The following TMEM276 variants were observed in gnomAD, a reference collection of about 807,000 sequenced individuals.
The protein encoded by TMEM276 is transmembrane protein 276.
the TMEM276 span, chr8:144,466,654 C>T: frequency 6.6e-6 from 7 of 1,055,836 alleles, no homozygotes; most frequent in Non-Finnish European, 8.9e-6. Flanking sequence ...GGCCCCGATG[C>T]TGGAAGCGTA....
At chr8:144,464,961 G>A in the TMEM276 span, 65 of 1,587,636 alleles carry the variant, frequency 4.1e-5, no homozygotes, top group Non-Finnish European at 4.5e-5. Context: ...CTTTGGAGAG[G>A]AAGGAAGCGC....
chr8:144,466,332 G>C, the TMEM276 span: 1 of 372,678 alleles, frequency 2.7e-6, no homozygotes, highest in Non-Finnish European at 4.1e-6. Context: ...GCGAGCATGC[G>C]CACCGGCACT....
the TMEM276 span, chr8:144,464,483 G>A: frequency 3.7e-6 from 6 of 1,612,264 alleles, no homozygotes; most frequent in Middle Eastern, 1.6e-4. Context: ...AAGGCCAGAA[G>A]GGGAAGGCCG....
chr8:144,464,093 C>G, the TMEM276 span: 1 of 1,580,868 alleles, frequency 6.3e-7, no homozygotes, highest in Admixed American at 1.7e-5. Flanking sequence ...AAGTGTTCGG[C>G]AGGGCAGAAA....
chr8:144,467,005 C>T, the TMEM276 span: 6 of 1,595,076 alleles, frequency 3.8e-6, no homozygotes, highest in South Asian at 4.5e-5. Context: ...CCGAGGGCCG[C>T]GCGGCCGCGG....
the TMEM276 span, chr8:144,464,166 GTAA>G: frequency 6.2e-7 from 1 of 1,612,936 alleles, no homozygotes; most frequent in Non-Finnish European, 8.5e-7. Context: ...GGGCCCGGCA[GTAA>G]GCCCAGCTGC....
chr8:144,464,055 G>A, the TMEM276 span: 4 of 1,551,012 alleles, frequency 2.6e-6, no homozygotes, highest in Admixed American at 1.9e-5. Context: ...CTAGGGAGAA[G>A]GCGCCAGGAG....
the TMEM276 span, chr8:144,464,706 T>C: frequency 4.4e-6 from 7 of 1,579,610 alleles, no homozygotes; most frequent in Non-Finnish European, 5.2e-6. Context: ...GGAGACCTGG[T>C]CTTAGACGCA....
At chr8:144,464,612 C>T in the TMEM276 span, 1 of 1,604,700 alleles carries the variant, frequency 6.2e-7, no homozygotes, top group Non-Finnish European at 8.5e-7. Flanking sequence ...CCTCGACTTG[C>T]CTGTCAACAC....
the TMEM276 span, chr8:144,464,280 C>G: frequency 4.0e-5 from 64 of 1,613,192 alleles, no homozygotes; most frequent in African/African-American, 9.3e-5. Context: ...GCATCGCCCC[C>G]CCCCACATCC....
At chr8:144,464,695 T>C in the TMEM276 span, 4 of 1,576,618 alleles carry the variant, frequency 2.5e-6, no homozygotes, top group African/African-American at 4.1e-5. Context: ...GGGGCTTCCA[T>C]GGAGACCTGG....
the TMEM276 span, chr8:144,464,460 C>T: frequency 7.4e-6 from 12 of 1,612,360 alleles, no homozygotes; most frequent in Non-Finnish European, 3.4e-6. Flanking sequence ...CCCCATTCAC[C>T]CAGTGGAAAT....
chr8:144,464,278 C>A, the TMEM276 span: 4 of 1,613,274 alleles, frequency 2.5e-6, no homozygotes, highest in South Asian at 1.1e-5. Context: ...CAGCATCGCC[C>A]CCCCCCACAT....
the TMEM276 span, chr8:144,464,822 A>C: frequency 2.2e-5 from 35 of 1,612,690 alleles, no homozygotes; most frequent in Non-Finnish European, 2.9e-5. Context: ...GGCTGTGCTC[A>C]CGGCTGCGTG....
chr8:144,465,056 C>G, the TMEM276 span: 1 of 1,531,594 alleles, frequency 6.5e-7, no homozygotes, highest in Non-Finnish European at 8.7e-7. Flanking sequence ...AGGAGAAGTT[C>G]AGTCCTAGAC....
chr8:144,466,611 G>A, the TMEM276 span: 1 of 854,298 alleles, frequency 1.2e-6, no homozygotes, highest in Non-Finnish European at 1.6e-6. Context: ...ACGGGGCGCG[G>A]GGCGACGGGG....
At chr8:144,464,052 G>A in the TMEM276 span, 1 of 1,550,386 alleles carries the variant, frequency 6.5e-7, no homozygotes, top group Non-Finnish European at 8.7e-7. Context: ...CCCCTAGGGA[G>A]AAGGCGCCAG....
the TMEM276 span, chr8:144,464,098 C>A: frequency 6.3e-7 from 1 of 1,587,400 alleles, no homozygotes; most frequent in East Asian, 2.2e-5. Context: ...TTCGGCAGGG[C>A]AGAAACCCTG....
the TMEM276 span, chr8:144,463,895 G>A: frequency 7.1e-7 from 1 of 1,402,760 alleles, no homozygotes; most frequent in Non-Finnish European, 9.2e-7. Flanking sequence ...GTCCAGCCCA[G>A]AATCAGGACC....
Sources: gnomAD v4.1 joint callset for allele counts on GRCh38, gnomAD v4.1.1 for gene constraint, MANE v1.5 for transcripts, NCBI Gene and HGNC (gene_info 2026-07-23, HGNC 2026-07-21) for gene names.